UQCRC2: variants seen among roughly 807,000 people sequenced by gnomAD.
UQCRC2 encodes the protein ubiquinol-cytochrome c reductase core protein 2.
A neutral mutation model predicts 55.6 loss-of-function variants in UQCRC2; 49 were observed. The observed-to-expected ratio is 0.88, with a 90% confidence interval of 0.70 to 1.12. The LOEUF is 1.12. UQCRC2 is among the 50% of genes most tolerant of loss of function. The pLI is 0.00. For missense variants in UQCRC2, 506 were observed against 547.8 expected, an observed-to-expected ratio of 0.92 and a Z score of 0.76; for synonymous variants, 193 against 192.0, an observed-to-expected ratio of 1.01 and a Z score of -0.04.
At chr16:21,955,946 C>T (rs1240867732) in intron 1 of UQCRC2, among the ~76,000 whole-genome samples, 5 of 152,172 alleles carry the variant, frequency 3.3e-5, no homozygotes, top group African/African-American at 1.2e-4. Context: ...CTGCCTCAGC[C>T]TCCCCAGTAG....
chr16:21,958,679 G>C, intron 4 of UQCRC2, 80 bp downstream of exon 4: 1 of 1,241,696 alleles, frequency 8.1e-7, no homozygotes, highest in South Asian at 1.3e-5. Context: ...TGTTATCAAG[G>C]AGGTTGAGGA....
At chr16:21,966,834 A>G (rs950531473) in intron 7 of UQCRC2, among the ~76,000 whole-genome samples, 24 of 152,216 alleles carry the variant, frequency 1.6e-4, no homozygotes, top group Non-Finnish European at 2.9e-5. Context: ...CTATTGTAAT[A>G]CTAGTTTATA....
intron 6 of UQCRC2, among the ~76,000 whole-genome samples, chr16:21,965,085 A>G (rs1020259375): frequency 6.6e-6 from 1 of 152,176 alleles, no homozygotes; most frequent in African/African-American, 2.4e-5. Context: ...CGGCAGAACC[A>G]TAACTAGATG....
At position 21,980,474 on chromosome 16, in the gene UQCRC2, C is replaced by T. The variant is rs940996533; in HGVS notation, c.1125-73C>T. ...TAAATAAAGCTTTGATGTTCACAGC[C>T]CCCCGCCACCACTCAGAAAAAAAAA... On this transcript the variant is annotated intron_variant, in intron 12 of 13. Coordinates refer to ENST00000268379, the MANE Select transcript of UQCRC2 (RefSeq NM_003366.4). 7.2e-6 allele frequency: 11 copies of T among 1,522,528 alleles called. No homozygotes were observed. In the African/African-American group the frequency reaches 8.3e-5, roughly 12 times the overall value. 94.3% of individuals were successfully genotyped at this position (1,522,528 alleles called of 1,614,324 possible).
chr16:21,981,762 CAA>C (rs1028411779), intron 13 of UQCRC2, among the ~76,000 whole-genome samples: 1 of 151,214 alleles, frequency 6.6e-6, no homozygotes, highest in African/African-American at 2.4e-5. Context: ...GACCCTGTCT[CAA>C]ATAAAAAAGA....
chr16:21,957,010 A>G (rs951313351), intron 1 of UQCRC2, among the ~76,000 whole-genome samples: 1 of 151,732 alleles, frequency 6.6e-6, no homozygotes, highest in African/African-American at 2.4e-5. Flanking sequence ...TAGAGGTTGC[A>G]GTGAGCTGAG....
intron 12 of UQCRC2, 116 bp from the exon 13 acceptor site, chr16:21,980,431 C>A: frequency 9.3e-7 from 1 of 1,069,704 alleles, no homozygotes; most frequent in Non-Finnish European, 1.3e-6. Flanking sequence ...GAGGGAGACA[C>A]GCTGTTACTC....
At chr16:21,976,710 T>C (rs1251589364) in intron 12 of UQCRC2, 1 of 152,782 alleles carries the variant, frequency 6.5e-6, no homozygotes, top group Non-Finnish European at 1.5e-5. Flanking sequence ...CAAACAAACA[T>C]AAGTCAAACC....
At chr16:21,960,640 C>CTT (rs1202161757) in intron 4 of UQCRC2, among the ~76,000 whole-genome samples, 1 of 152,072 alleles carries the variant, frequency 6.6e-6, no homozygotes, top group Non-Finnish European at 1.5e-5. Flanking sequence ...TCCTTTCTAG[C>CTT]TTCTGATTTA....
chr16:21,971,922 G>A lies in UQCRC2; in HGVS notation c.767-1G>A, dbSNP rs1167798705. On this transcript the variant is annotated splice_acceptor_variant, in intron 9 of 13. Coordinates refer to ENST00000268379, the MANE Select transcript of UQCRC2 (RefSeq NM_003366.4). LOFTEE classifies it high-confidence loss of function. Reference sequence around the variant, plus strand: ...TCCCTCTATCCTTAATCTGGCCCCAGGTGAAATCCGAGAACAGAATGGAGA... The same window carrying A: ...TCCCTCTATCCTTAATCTGGCCCCAAGTGAAATCCGAGAACAGAATGGAGA... 6.2e-7 allele frequency: 1 copy of A among 1,613,802 alleles called. No homozygotes were observed. The highest frequency in any genetic ancestry group is 1.7e-5 in the Admixed American group (1 of 60,020).
At chr16:21,959,085 C>T (rs1479371876) in intron 4 of UQCRC2, among the ~76,000 whole-genome samples, 1 of 152,148 alleles carries the variant, frequency 6.6e-6, no homozygotes, top group African/African-American at 2.4e-5. Flanking sequence ...CTTGCCTCCA[C>T]GTTAATGGCT....
chr16:21,964,839 G>A (rs1007335320), intron 6 of UQCRC2, among the ~76,000 whole-genome samples: 1 of 152,172 alleles, frequency 6.6e-6, no homozygotes. Flanking sequence ...CTAGCACAGT[G>A]CCTCGCATAG....
Position 21,965,446 on chromosome 16 carries a change from G to A in UQCRC2, c.553G>A (p.Ala185Thr), listed in dbSNP as rs951578092. 5 of 1,613,930 alleles carry A rather than the reference G, an allele frequency of 3.1e-6. No homozygotes were observed. The highest frequency in any genetic ancestry group is 1.7e-4 in the Middle Eastern group (1 of 6,056). The part of the protein sequence containing the change: ...ENLHAAAYRN[A>T]LANPLYCPDY... ...TTTGCATGCAGCAGCTTACCGGAAT[G>A]CCTTGGCTAATCCCTTGTATTGTCC... is the stretch of plus-strand genomic sequence containing the variant. Residue 185 changes from alanine to threonine, a missense_variant, in exon 7 of 14, where the codon GCC (alanine) becomes ACC (threonine). Physicochemically the swap from Ala to Thr is moderately conservative, Grantham distance 58. Coordinates refer to ENST00000268379, the MANE Select transcript of UQCRC2 (RefSeq NM_003366.4).
intron 12 of UQCRC2, chr16:21,976,593 T>G (rs748793897): frequency 1.3e-4 from 27 of 214,666 alleles, no homozygotes; most frequent in Non-Finnish European, 2.2e-4. Flanking sequence ...TAAACATAAT[T>G]GTTAATATTG....
intron 7 of UQCRC2, 115 bp downstream of exon 7, chr16:21,965,620 C>A: frequency 1.2e-6 from 1 of 854,254 alleles, no homozygotes; most frequent in Non-Finnish European, 1.6e-6. Flanking sequence ...AGAAATTCAG[C>A]GTGCTAGCTT....
chr16:21,964,321 C>T (rs1211467416), intron 6 of UQCRC2, among the ~76,000 whole-genome samples: 1 of 152,178 alleles, frequency 6.6e-6, no homozygotes, highest in Non-Finnish European at 1.5e-5. Context: ...TGAACAGTTA[C>T]TGTGTAGTCT....
At chr16:21,975,691 A>C (rs937228008) in intron 11 of UQCRC2, among the ~76,000 whole-genome samples, 4 of 152,304 alleles carry the variant, frequency 2.6e-5, no homozygotes, top group South Asian at 2.1e-4. Flanking sequence ...TGTATGGATT[A>C]CTACTCTCTT....
intron 6 of UQCRC2, among the ~76,000 whole-genome samples, chr16:21,965,075 CG>C (rs34620689): frequency 0.094 from 14,238 of 152,128 alleles, 833 homozygotes; most frequent in South Asian, 0.27. Flanking sequence ...GGCAAGATGG[CG>C]GCAGAACCAT....
Position 21,953,446 on chromosome 16 carries a change from G to A in UQCRC2, c.23G>A (p.Gly8Asp), listed in dbSNP as rs763565725. 3.9e-5 allele frequency: 63 copies of A among 1,613,082 alleles called. No individual in the cohort carries two copies. The highest frequency in any genetic ancestry group is 5.2e-5 in the Non-Finnish European group (61 of 1,179,630). The change falls in exon 1 of 14, where the codon GGC becomes GAC. Residue 8 changes from glycine to aspartate, a missense_variant. By Grantham distance (94) the Gly-to-Asp change is moderately conservative (BLOSUM62 -1). Transcript: ENST00000268379. MKLLTRAGSFSRFYSLKV... is the reference protein window; with the variant it reads MKLLTRADSFSRFYSLKV... ...ATCATGAAGCTACTAACCAGAGCCG[G>A]CTCTTTCTCGGTGAGCTCAGGTGGC...
Sources: allele counts gnomAD v4.1 joint callset (sites outside exome capture counted in the v4.1 genomes callset), GRCh38; gene constraint gnomAD v4.1.1; transcripts MANE v1.5; gene names NCBI Gene and HGNC (gene_info 2026-07-23, HGNC 2026-07-21).